HTR1F: variants seen among roughly 807,000 people sequenced by gnomAD.
HTR1F encodes 5-hydroxytryptamine (serotonin) receptor 1F, G protein-coupled.
A neutral mutation model predicts 24.0 loss-of-function variants in HTR1F; 17 were observed. The observed-to-expected ratio is 0.71, with a 90% confidence interval of 0.48 to 1.06. HTR1F has a LOEUF of 1.06. Among genes scored for constraint, HTR1F ranks in the 50% least tolerant of loss-of-function variants. The pLI is 0.00. For missense variants in HTR1F, 391 were observed against 427.8 expected (o/e 0.91, Z 0.76); for synonymous variants, 186 against 156.8 (o/e 1.19, Z -1.39).
chr3:87,986,036 A>T (rs2107520187), intron 2 of HTR1F, among the ~76,000 whole-genome samples: 1 of 152,084 alleles, frequency 6.6e-6, no homozygotes, highest in South Asian at 2.1e-4. Context: ...CTTACAGACT[A>T]ATCTTGATTT....
At chr3:87,818,175 C>A (rs772486321) in intron 1 of HTR1F, among the ~76,000 whole-genome samples, 93 of 152,080 alleles carry the variant, frequency 6.1e-4, no homozygotes, top group Non-Finnish European at 1.1e-3. Flanking sequence ...ATACAACCTG[C>A]AAAGAGCTGT....
At chr3:87,832,091 A>G (rs1241017215) in intron 2 of HTR1F, among the ~76,000 whole-genome samples, 2 of 152,184 alleles carry the variant, frequency 1.3e-5, no homozygotes, top group East Asian at 1.9e-4. Flanking sequence ...GCCTGTGTTC[A>G]TAACCACTAT....
At position 87,920,244 on chromosome 3, in the gene HTR1F, T is replaced by C. The variant is rs529069588; in HGVS notation, c.-42-70464T>C. 2.6e-5 allele frequency among the ~76,000 whole-genome samples: 4 copies of C among 151,872 alleles called. No individual in the cohort carries two copies. In the South Asian group the frequency reaches 8.3e-4, roughly 32 times the overall value. ...GAATGACACGATGGACTTTGGGGAC[T>C]CAGGGGAAAGGGTGGGAAGGGGGTG... On this transcript the variant is annotated intron_variant, in intron 2 of 2. Transcript: ENST00000319595.
At chr3:87,958,397 ACTGT>A (rs1240194573) in intron 2 of HTR1F, among the ~76,000 whole-genome samples, 1 of 151,442 alleles carries the variant, frequency 6.6e-6, no homozygotes, top group Non-Finnish European at 1.5e-5. Flanking sequence ...TGTTGGAGTG[ACTGT>A]CTGTCTCTCT....
chr3:87,954,469 A>G (rs1020619639), intron 2 of HTR1F, among the ~76,000 whole-genome samples: 4 of 151,744 alleles, frequency 2.6e-5, no homozygotes, highest in African/African-American at 4.8e-5. Context: ...TTTAGATTAA[A>G]CCTGTTCTAA....
intron 2 of HTR1F, among the ~76,000 whole-genome samples, chr3:87,986,773 T>C (rs1431789989): frequency 4.6e-5 from 7 of 152,198 alleles, no homozygotes; most frequent in Non-Finnish European, 1.0e-4. Context: ...TTATGAAAAC[T>C]GTCAGCACTT....
intron 2 of HTR1F, among the ~76,000 whole-genome samples, chr3:87,915,514 A>G (rs1703874033): frequency 6.6e-6 from 1 of 152,166 alleles, no homozygotes; most frequent in Non-Finnish European, 1.5e-5. Flanking sequence ...GAAAAAAACA[A>G]TAAAAGCTTC....
At chr3:87,962,562 G>A (rs1705084906) in intron 2 of HTR1F, among the ~76,000 whole-genome samples, 1 of 151,944 alleles carries the variant, frequency 6.6e-6, no homozygotes. Context: ...GTATGCCAGT[G>A]TTATGAATTC....
intron 2 of HTR1F, among the ~76,000 whole-genome samples, chr3:87,850,729 A>G (rs1705066356): frequency 6.6e-6 from 1 of 151,654 alleles, no homozygotes; most frequent in Admixed American, 6.6e-5. Flanking sequence ...TTAAGCACAA[A>G]TCATAAAGAA....
At chr3:87,866,390 C>T (rs1705427036) in intron 2 of HTR1F, among the ~76,000 whole-genome samples, 1 of 152,154 alleles carries the variant, frequency 6.6e-6, no homozygotes, top group African/African-American at 2.4e-5. Context: ...ATTATCTTAG[C>T]TCTAATGCAC....
chr3:87,798,774 A>G (rs1215832875), intron 1 of HTR1F, among the ~76,000 whole-genome samples: 3 of 152,208 alleles, frequency 2.0e-5, no homozygotes, highest in Admixed American at 1.3e-4. Context: ...TGACTCAGTA[A>G]CATTGGACAA....
chr3:87,820,428 G>A (rs1331520026), intron 1 of HTR1F, among the ~76,000 whole-genome samples: 4 of 151,592 alleles, frequency 2.6e-5, no homozygotes, highest in African/African-American at 4.8e-5. Flanking sequence ...CGCCCGCCTC[G>A]GCCTCCCAAA....
intron 2 of HTR1F, among the ~76,000 whole-genome samples, chr3:87,951,956 G>A (rs1480932462): frequency 6.6e-6 from 1 of 151,972 alleles, no homozygotes; most frequent in Non-Finnish European, 1.5e-5. Flanking sequence ...CTTTCATTTA[G>A]TAATATGCAT....
At chr3:87,957,244 T>C (rs1277533034) in intron 2 of HTR1F, among the ~76,000 whole-genome samples, 2 of 151,378 alleles carry the variant, frequency 1.3e-5, no homozygotes, top group Non-Finnish European at 3.0e-5. Context: ...TCTCTTAATA[T>C]GTTAAATTAT....
intron 2 of HTR1F, among the ~76,000 whole-genome samples, chr3:87,927,381 T>C (rs1301076113): frequency 6.6e-6 from 1 of 152,158 alleles, no homozygotes; most frequent in Non-Finnish European, 1.5e-5. Context: ...AACTTCTTAA[T>C]ATTTTAAAAA....
chr3:87,991,137 G>C lies in HTR1F; in HGVS notation c.388G>C (p.Glu130Gln). The change falls in exon 3 of 3, where the codon GAG becomes CAG. Residue 130 changes from glutamate to glutamine, a missense_variant. Physicochemically the swap from Glu to Gln is conservative, Grantham distance 29. Transcript: ENST00000319595. ...GTATCGAGCAATCACAGATGCTGTT[G>C]AGTATGCCAGGAAAAGGACTCCAAA... ...DRYRAITDAV[E>Q]YARKRTPKHA... 1 of 1,614,048 alleles carries C rather than the reference G, an allele frequency of 6.2e-7. No homozygotes were observed.
chr3:87,969,008 G>A (rs1011283279), intron 2 of HTR1F, among the ~76,000 whole-genome samples: 1 of 152,348 alleles, frequency 6.6e-6, no homozygotes, highest in African/African-American at 2.4e-5. Flanking sequence ...CAGCTCCCAC[G>A]TGGTATTGAG....
chr3:87,950,554 T>C (rs1365230374), intron 2 of HTR1F, among the ~76,000 whole-genome samples: 1 of 143,302 alleles, frequency 7.0e-6, no homozygotes, highest in Admixed American at 6.8e-5. Context: ...AATGATAGTG[T>C]CAACTTAAAA....
chr3:87,857,063 C>T (rs149974605), intron 2 of HTR1F, among the ~76,000 whole-genome samples: 2 of 152,024 alleles, frequency 1.3e-5, no homozygotes, highest in East Asian at 3.9e-4. Context: ...TATGGCTCTA[C>T]CTAGGACTGT....
Sources: allele counts gnomAD v4.1 joint callset (sites outside exome capture counted in the v4.1 genomes callset), GRCh38; gene constraint gnomAD v4.1.1; transcripts MANE v1.5; gene names NCBI Gene and HGNC (gene_info 2026-07-23, HGNC 2026-07-21).